The following FSTL4 variants were observed in gnomAD, a reference collection of about 807,000 sequenced individuals.
FSTL4 encodes the protein follistatin like 4, also known as follistatin-related protein 4.
A neutral mutation model predicts 78.2 loss-of-function variants in FSTL4; 28 were observed. That is an observed-to-expected ratio of 0.36 (90% CI 0.27 to 0.49). FSTL4 has a LOEUF of 0.49. FSTL4 is among the 20% of genes least tolerant of loss of function. FSTL4 has a pLI of 0.98. For synonymous variants in FSTL4, 422 were observed against 440.5 expected, an observed-to-expected ratio of 0.96 and a Z score of 0.53; for missense variants, 922 against 1,084.9, an observed-to-expected ratio of 0.85 and a Z score of 2.11.
At chr5:133,825,791 C>T in the FSTL4 span, among the ~76,000 whole-genome samples, 1 of 152,236 alleles carries the variant, frequency 6.6e-6, no homozygotes, top group Non-Finnish European at 1.5e-5. Flanking sequence ...TTAGCTCCAG[C>T]TGTCGGTGAC....
chr5:133,482,099 A>T (rs189308291), intron 3 of FSTL4, among the ~76,000 whole-genome samples: 2 of 152,388 alleles, frequency 1.3e-5, no homozygotes, highest in African/African-American at 4.8e-5. Flanking sequence ...ATGCAAACTG[A>T]TGCAAAAACG....
the FSTL4 span, among the ~76,000 whole-genome samples, chr5:133,654,642 C>A: frequency 6.6e-6 from 1 of 152,256 alleles, no homozygotes; most frequent in East Asian, 1.9e-4. Context: ...TGATGCTGGT[C>A]ATGTGGAAGG....
At chr5:133,444,275 T>G (rs1037063265) in intron 3 of FSTL4, among the ~76,000 whole-genome samples, 2 of 152,206 alleles carry the variant, frequency 1.3e-5, no homozygotes, top group African/African-American at 4.8e-5. Context: ...TCCAGACCGT[T>G]CATGATTTCA....
chr5:133,565,360 A>G (rs936767207), intron 3 of FSTL4, among the ~76,000 whole-genome samples: 1 of 152,168 alleles, frequency 6.6e-6, no homozygotes, highest in Middle Eastern at 3.2e-3. Flanking sequence ...CAGACCTAAA[A>G]ATACTTAGAA....
intron 3 of FSTL4, among the ~76,000 whole-genome samples, chr5:133,563,365 AC>A (rs1759962441): frequency 6.6e-6 from 1 of 152,186 alleles, no homozygotes. Flanking sequence ...AGATCAAGTC[AC>A]TTAAGCAACC....
rs1424248684 is a variant in FSTL4, at chr5:133,361,165, C to T, written c.409+39573G>A. ...GAGAGCAAGTCTGAAACATGATTCCCGACCTCTTCTCGCTCTAATAAACTT... is the reference window on the plus strand; with the variant it reads ...GAGAGCAAGTCTGAAACATGATTCCTGACCTCTTCTCGCTCTAATAAACTT... On this transcript the variant is annotated intron_variant, in intron 4 of 15. Transcript: ENST00000265342. The surrounding 1 kb of genome is among the most constrained non-coding windows in gnomAD (Gnocchi z 4.3). Among the ~76,000 whole-genome samples, 2 of 152,268 alleles carry T rather than the reference C, an allele frequency of 1.3e-5. No homozygotes were observed. The highest frequency in any genetic ancestry group is 2.4e-5 in the African/African-American group (1 of 41,540).
chr5:133,819,071 C>T, the FSTL4 span, among the ~76,000 whole-genome samples: 2 of 150,532 alleles, frequency 1.3e-5, no homozygotes, highest in African/African-American at 2.5e-5. Context: ...CACATAGCTT[C>T]CCCAATCCTT....
the FSTL4 span, among the ~76,000 whole-genome samples, chr5:133,786,815 C>T: frequency 6.6e-6 from 1 of 152,226 alleles, no homozygotes; most frequent in Non-Finnish European, 1.5e-5. Flanking sequence ...ACTGCTCTAT[C>T]CAGACTGTTA....
chr5:133,665,838 A>G, the FSTL4 span, among the ~76,000 whole-genome samples: 1 of 152,226 alleles, frequency 6.6e-6, no homozygotes, highest in Non-Finnish European at 1.5e-5. Context: ...AATGCGGAGC[A>G]AGAGAGCCCA....
chr5:133,730,004 C>T, the FSTL4 span, among the ~76,000 whole-genome samples: 412 of 152,294 alleles, frequency 2.7e-3, 6 homozygotes, highest in African/African-American at 9.3e-3. Flanking sequence ...CCCCAGAAAA[C>T]GCAATGTGGC....
At chr5:133,639,761 T>C in the FSTL4 span, among the ~76,000 whole-genome samples, 1 of 152,150 alleles carries the variant, frequency 6.6e-6, no homozygotes, top group Non-Finnish European at 1.5e-5. Flanking sequence ...CCATAACAAG[T>C]GGGACAAGCA....
the FSTL4 span, among the ~76,000 whole-genome samples, chr5:133,753,728 T>TGTGTGTGTAC: frequency 8.1e-5 from 2 of 24,584 alleles, no homozygotes; most frequent in African/African-American, 2.2e-4. Flanking sequence ...TGTGTGTGTG[T>TGTGTGTGTAC]AGTGGCAGGG....
intron 4 of FSTL4, among the ~76,000 whole-genome samples, chr5:133,325,883 C>T (rs1049356932): frequency 1.8e-4 from 28 of 152,344 alleles, no homozygotes; most frequent in African/African-American, 6.5e-4. Flanking sequence ...GGTTCCCACA[C>T]TTTCCCCATT....
At chr5:133,641,047 G>A in the FSTL4 span, among the ~76,000 whole-genome samples, 1 of 152,092 alleles carries the variant, frequency 6.6e-6, no homozygotes, top group Non-Finnish European at 1.5e-5. Context: ...TATTGAATGG[G>A]GCACAATTCC....
the FSTL4 span, among the ~76,000 whole-genome samples, chr5:133,745,695 G>T: frequency 6.6e-6 from 1 of 152,194 alleles, no homozygotes. Context: ...CTGCCTGGTA[G>T]ATTCATCCAC....
At chr5:133,624,698 G>A in the FSTL4 span, among the ~76,000 whole-genome samples, 2 of 151,634 alleles carry the variant, frequency 1.3e-5, no homozygotes, top group African/African-American at 4.8e-5. Flanking sequence ...ATATCACATA[G>A]TTTTGATTTC....
chr5:133,380,297 T>G (rs1755537555), intron 4 of FSTL4, among the ~76,000 whole-genome samples: 1 of 151,732 alleles, frequency 6.6e-6, no homozygotes, highest in Non-Finnish European at 1.5e-5. Context: ...AACCTTTAGC[T>G]AGACTAACAA....
chr5:133,403,016 G>A (rs1000603223), intron 3 of FSTL4, among the ~76,000 whole-genome samples: 3 of 152,200 alleles, frequency 2.0e-5, no homozygotes, highest in South Asian at 2.1e-4. Context: ...GTTTATGGCC[G>A]CTTTGCCATG....
intron 4 of FSTL4, among the ~76,000 whole-genome samples, chr5:133,385,761 AC>A (rs1755684361): frequency 2.0e-5 from 3 of 152,218 alleles, no homozygotes; most frequent in African/African-American, 7.2e-5. Flanking sequence ...AGGAACAAAA[AC>A]AACAAAGAAA....
Sources: allele counts gnomAD v4.1 joint callset (sites outside exome capture counted in the v4.1 genomes callset), GRCh38; gene constraint gnomAD v4.1.1; non-coding constraint Gnocchi (gnomAD v3.1); transcripts MANE v1.5; gene names NCBI Gene and HGNC (gene_info 2026-07-23, HGNC 2026-07-21).